Variants in DPP6 observed in about 807,000 individuals in gnomAD.
The protein encoded by DPP6 is dipeptidyl peptidase like 6.
In DPP6, 69 loss-of-function variants were observed where a neutral mutation model predicts 122.6. The ratio of observed to expected loss-of-function variants is 0.56; its 90% CI spans 0.46 to 0.69. The LOEUF (loss-of-function observed/expected upper bound fraction) is 0.69, where lower values mean the gene tolerates loss of function less well. Ranked by LOEUF, DPP6 falls within the 30% of genes least tolerant of loss-of-function variation. The probability of loss-of-function intolerance (pLI) is 0.00; values close to 1 mark genes in which losing one functional copy is unlikely to be tolerated. For synonymous variants in DPP6, 418 were observed against 433.1 expected, an observed-to-expected ratio of 0.97 and a Z score of 0.43; for missense variants, 928 against 1,116.9, an observed-to-expected ratio of 0.83 and a Z score of 2.41.
intron 1 of DPP6, among the ~76,000 whole-genome samples, chr7:154,162,808 G>A (rs979655867): frequency 6.6e-6 from 1 of 152,190 alleles, no homozygotes; most frequent in African/African-American, 2.4e-5. Context: ...ATCATTGCTG[G>A]TGTTGAGTGG....
At chr7:154,592,854 G>T in intron 5 of DPP6, among the ~76,000 whole-genome samples, 1 of 152,192 alleles carries the variant, frequency 6.6e-6, no homozygotes, top group Non-Finnish European at 1.5e-5. Context: ...TGCTTCCTCT[G>T]TTACCAAACC....
At chr7:154,578,880 A>G (rs1831859789) in intron 5 of DPP6, among the ~76,000 whole-genome samples, 3 of 152,190 alleles carry the variant, frequency 2.0e-5, no homozygotes, top group African/African-American at 4.8e-5. Context: ...TGGCACTGCA[A>G]TCTGCTGTAT....
Position 154,517,691 on chromosome 7 carries a change from A to G in DPP6, c.458-22841A>G, listed in dbSNP as rs148133207. Among the ~76,000 whole-genome samples, 16 of 152,310 alleles carry G rather than the reference A, an allele frequency of 1.1e-4. No individual in the cohort carries two copies. The East Asian group carries it at 3.1e-3, about 29-fold the overall frequency. Reference sequence around the variant, plus strand: ...ATTCTGTGGTGTTGAAAGTAGGGAAAGAAATATGTTGCCTTTTAAATACAC... The same window carrying G: ...ATTCTGTGGTGTTGAAAGTAGGGAAGGAAATATGTTGCCTTTTAAATACAC... On this transcript the variant is annotated intron_variant, in intron 3 of 25. Transcript: ENST00000377770.
rs552680317 is a variant in DPP6 at position 154,400,828 on chromosome 7, C to A, written c.244-45386C>A. 1.3e-4 allele frequency among the ~76,000 whole-genome samples: 20 copies of A among 152,206 alleles called. No individual in the cohort carries two copies. In the South Asian group the frequency reaches 3.9e-3, roughly 30 times the overall value. On this transcript the variant is annotated intron_variant, in intron 1 of 25. Transcript: ENST00000377770. ...ACCATGAATTCCTCTTAATGAAGAC[C>A]TTTCTTGTCTTCACTGTTATTATCC...
chr7:154,297,542 G>A (rs1040522493), intron 1 of DPP6, among the ~76,000 whole-genome samples: 51 of 152,194 alleles, frequency 3.4e-4, no homozygotes, highest in African/African-American at 1.2e-3. Flanking sequence ...AGGACACTCT[G>A]AACACAATGG....
At chr7:154,122,463 A>G (rs1436880564) in intron 1 of DPP6, among the ~76,000 whole-genome samples, 5 of 152,252 alleles carry the variant, frequency 3.3e-5, no homozygotes, top group African/African-American at 1.2e-4. Context: ...ATTATATAAA[A>G]TAAACCGAAG....
At chr7:154,177,847 C>T (rs914636797) in intron 1 of DPP6, among the ~76,000 whole-genome samples, 7 of 152,196 alleles carry the variant, frequency 4.6e-5, no homozygotes, top group South Asian at 2.1e-4. Context: ...TGAAATTAAA[C>T]GCTTCGTATA....
chr7:154,510,880 A>T (rs903504813), intron 3 of DPP6, among the ~76,000 whole-genome samples: 18 of 145,572 alleles, frequency 1.2e-4, no homozygotes, highest in African/African-American at 4.1e-4. Context: ...TCTTGCTCTC[A>T]CTCTCGTGCT....
intron 7 of DPP6, among the ~76,000 whole-genome samples, chr7:154,722,823 A>AT: frequency 6.6e-6 from 1 of 152,252 alleles, no homozygotes; most frequent in South Asian, 2.1e-4. Context: ...CACATGGTGG[A>AT]TAAAAAGTAA....
chr7:154,695,955 G>A (rs1840191921), intron 7 of DPP6, among the ~76,000 whole-genome samples: 1 of 152,176 alleles, frequency 6.6e-6, no homozygotes, highest in South Asian at 2.1e-4. Context: ...CCCTTCATGG[G>A]TGACCCTGTG....
At chr7:153,870,593 A>G in the DPP6 span, among the ~76,000 whole-genome samples, 17 of 152,266 alleles carry the variant, frequency 1.1e-4, 1 homozygote, top group Admixed American at 9.8e-4. Context: ...CCATTGGTTC[A>G]AACTTCCTCC....
At chr7:154,032,718 G>C (rs1424345254) in intron 1 of DPP6, among the ~76,000 whole-genome samples, 4 of 152,076 alleles carry the variant, frequency 2.6e-5, no homozygotes, top group Non-Finnish European at 5.9e-5. Context: ...GGCATCACCA[G>C]ATTGTTCTAG....
rs575884035 is a variant in DPP6 at position 154,489,575 on chromosome 7, A to G, written c.457+14538A>G. Among the ~76,000 whole-genome samples the G allele has an allele frequency of 2.0e-5, 3 of 152,224 alleles. No homozygotes were observed. In the South Asian group the frequency reaches 6.2e-4, roughly 32 times the overall value. ...GGGCTTTTAAACCCAGATTTCCAAA[A>G]TAAGTGCCAACCTCACATCTGATGC... is the stretch of plus-strand genomic sequence containing the variant. On this transcript the variant is annotated intron_variant, in intron 3 of 25. Transcript: ENST00000377770.
At chr7:154,820,593 C>A (rs935613096) in intron 16 of DPP6, among the ~76,000 whole-genome samples, 1 of 152,116 alleles carries the variant, frequency 6.6e-6, no homozygotes, top group African/African-American at 2.4e-5. Context: ...ATGAACAGAA[C>A]AACACCAGAA....
chr7:154,784,957 A>AAAAAAATATCTTATTC (rs1478726370), intron 10 of DPP6, among the ~76,000 whole-genome samples: 1 of 152,154 alleles, frequency 6.6e-6, no homozygotes, highest in Non-Finnish European at 1.5e-5. Flanking sequence ...AGGAGCTTGA[A>AAAAAAATATCTTATTC]AAAAAATATC....
At chr7:154,366,768 A>G (rs966186794) in intron 1 of DPP6, among the ~76,000 whole-genome samples, 1 of 152,216 alleles carries the variant, frequency 6.6e-6, no homozygotes, top group South Asian at 2.1e-4. Flanking sequence ...AAAAAATCAG[A>G]AAGTTGAAAC....
chr7:154,807,028 C>G lies in DPP6; in HGVS notation c.1582C>G (p.Leu528Val). The change falls in exon 16 of 26, where the codon CTC becomes GTC. Residue 528 changes from leucine (L) to valine (V), a missense_variant. By Grantham distance (32) the Leu-to-Val change is conservative. Transcript: ENST00000377770. The part of the protein sequence containing the change: ...NTVGNFNRQC[L>V]SCDLVENCTY... ...GGTGGGCAACTTCAACAGGCAGTGC[C>G]TCTCCTGTGACCTGGTTGAGAACTG... The G allele has an allele frequency of 1.2e-6, 2 of 1,613,914 alleles. No homozygotes were observed. The highest frequency in any genetic ancestry group is 1.7e-6 in the Non-Finnish European group (2 of 1,179,848).
intron 1 of DPP6, among the ~76,000 whole-genome samples, chr7:154,342,600 C>T (rs4990781): frequency 0.11 from 17,007 of 152,116 alleles, 1,384 homozygotes; most frequent in African/African-American, 0.22. Flanking sequence ...TTCCTGGAGG[C>T]GAACTAGAAG....
chr7:153,843,528 G>A, the DPP6 span, among the ~76,000 whole-genome samples: 2 of 151,996 alleles, frequency 1.3e-5, no homozygotes, highest in African/African-American at 4.8e-5. Flanking sequence ...ACCACCTCCT[G>A]GACCTGAGAT....
Sources: gnomAD v4.1 joint callset for allele counts (sites outside exome capture counted in the v4.1 genomes callset) on GRCh38, gnomAD v4.1.1 for gene constraint, MANE v1.5 for transcripts, NCBI Gene and HGNC (gene_info 2026-07-23, HGNC 2026-07-21) for gene names.